Variants in ATP2A2 observed in about 807,000 individuals in gnomAD.
ATP2A2 encodes ATPase sarcoplasmic/endoplasmic reticulum Ca2+ transporting 2.
A neutral mutation model predicts 109.3 loss-of-function variants in ATP2A2; 14 were observed. That is an observed-to-expected ratio of 0.13 (90% CI 0.08 to 0.20). The LOEUF (loss-of-function observed/expected upper bound fraction) is 0.20, where lower values mean the gene tolerates loss of function less well. ATP2A2 is among the 10% of genes least tolerant of loss of function. The pLI is 1.00. For synonymous variants in ATP2A2, 506 were observed against 490.9 expected (o/e 1.03, Z -0.41); for missense variants, 657 against 1,321.6 (o/e 0.50, Z 7.80).
Position 110,320,897 on chromosome 12 carries a change from G to A in ATP2A2, c.464-2095G>A, listed in dbSNP as rs1877172497. Among the ~76,000 whole-genome samples, 2 of 152,156 alleles carry A rather than the reference G, an allele frequency of 1.3e-5. 1 individual carries two copies. The highest frequency in any genetic ancestry group is 4.1e-4 in the South Asian group (2 of 4,824). ...CATATTCTCCCTGAACTTAAGCTCC[G>A]AAGTAGAGAAAAATCAGAACTAATT... On this transcript the variant is annotated intron_variant, in intron 5 of 19. Transcript: ENST00000539276.
chr12:110,310,510 G>T (rs561214910), intron 5 of ATP2A2, among the ~76,000 whole-genome samples: 3 of 152,180 alleles, frequency 2.0e-5, no homozygotes, highest in Non-Finnish European at 4.4e-5. Flanking sequence ...TGTTTTCAGG[G>T]TTGTTTAAAA....
chr12:110,332,930 G>A (rs189574728), intron 9 of ATP2A2, among the ~76,000 whole-genome samples: 1 of 152,290 alleles, frequency 6.6e-6, no homozygotes, highest in East Asian at 1.9e-4. Flanking sequence ...GTTATTCACT[G>A]TAGCCAGTGG....
In ATP2A2 at chr12:110,347,845, C is replaced by G; in HGVS notation, c.*1375C>G. 6.9e-6 allele frequency: 7 copies of G among 1,018,954 alleles called. No individual in the cohort carries two copies. The highest frequency in any genetic ancestry group is 7.1e-6 in the Non-Finnish European group (6 of 850,146). 63.1% of individuals were successfully genotyped at this position (1,018,954 alleles called of 1,614,324 possible). A position where few individuals can be genotyped will look rare whatever the true frequency, so the allele number is the denominator to read the frequency against. On this transcript the variant is annotated 3_prime_UTR_variant, in exon 20 of 20. Coordinates refer to ENST00000539276, the MANE Select transcript of ATP2A2 (RefSeq NM_170665.4). ...GCTTTAGCCTAAAGGTGACTGCCAC[C>G]AAGTGAGATAACTGTATGTCACTAA...
chr12:110,348,045 G>A lies in ATP2A2; in HGVS notation c.*1575G>A, dbSNP rs1005203998. Reference sequence around the variant, plus strand: ...AAGATGACCAGGAGGGCCCAAGCCAGACAAAAGCCGGAGTGGGGAGAGAGG... The same window carrying A: ...AAGATGACCAGGAGGGCCCAAGCCAAACAAAAGCCGGAGTGGGGAGAGAGG... On this transcript the variant is annotated 3_prime_UTR_variant, in exon 20 of 20. Coordinates refer to ENST00000539276, the MANE Select transcript of ATP2A2 (RefSeq NM_170665.4). 2 of 986,428 alleles carry A rather than the reference G, an allele frequency of 2.0e-6. No individual in the cohort carries two copies. The highest frequency in any genetic ancestry group is 1.7e-5 in the African/African-American group (1 of 57,246). 61.1% of individuals were successfully genotyped at this position (986,428 alleles called of 1,614,324 possible). A position where few individuals can be genotyped will look rare whatever the true frequency, so the allele number is the denominator to read the frequency against.
rs1283045241 is a variant in ATP2A2 at position 110,334,123 on chromosome 12, C to T, written c.1399C>T (p.Arg467Cys). 4 of 1,613,970 alleles carry T rather than the reference C, an allele frequency of 2.5e-6. No individual in the cohort carries two copies. The highest frequency in any genetic ancestry group is 2.5e-6 in the Non-Finnish European group (3 of 1,180,026). ...ATTGAAGGGTCTTTCTAAAATAGAACGTGCAAATGCCTGCAACTCAGTGAG... is the reference window on the plus strand; with the variant it reads ...ATTGAAGGGTCTTTCTAAAATAGAATGTGCAAATGCCTGCAACTCAGTGAG... ...TELKGLSKIERANACNSVIKQ... is the reference protein window; with the variant it reads ...TELKGLSKIECANACNSVIKQ... The change falls in exon 11 of 20, where the codon CGT becomes TGT. Residue 467 changes from arginine to cysteine, a missense_variant. Around this residue, in one of 9 missense-constraint regions of ATP2A2, gnomAD observed 180 missense variants for 329.1 expected, o/e 0.55. Coordinates refer to ENST00000539276, the MANE Select transcript of ATP2A2 (RefSeq NM_170665.4).
At chr12:110,287,790 A>G (rs904608287) in intron 3 of ATP2A2, among the ~76,000 whole-genome samples, 3 of 151,336 alleles carry the variant, frequency 2.0e-5, no homozygotes, top group Admixed American at 6.6e-5. Context: ...AATTTTTTGT[A>G]TTTTTAGTAG....
chr12:110,339,749 A>G lies in ATP2A2; in HGVS notation c.1761+28A>G. 1 of 1,601,662 alleles carries G rather than the reference A, an allele frequency of 6.2e-7. No homozygotes were observed. Among genetic ancestry groups the G allele is most frequent in the South Asian group, 1.1e-5 (1 of 90,802 alleles). On this transcript the variant is annotated intron_variant, in intron 13 of 19. Coordinates refer to ENST00000539276, the MANE Select transcript of ATP2A2 (RefSeq NM_170665.4). This position sits in a 1 kb window ranked among gnomAD's most constrained non-coding sequence, Gnocchi z 4.4. ...TAGCTAATGAAAAGTTTCTTTGTCCACACCCTGCACGATTCATTGTGTTTA... is the reference window on the plus strand; with the variant it reads ...TAGCTAATGAAAAGTTTCTTTGTCCGCACCCTGCACGATTCATTGTGTTTA...
chr12:110,340,937 C>T lies in ATP2A2; in HGVS notation c.2040C>T (p.Pro680=), dbSNP rs768193634. 14 of 1,614,222 alleles carry T rather than the reference C, an allele frequency of 8.7e-6. No individual in the cohort carries two copies. Among genetic ancestry groups the T allele is most frequent in the South Asian group, 3.3e-5 (3 of 91,082 alleles). ...LNARCFARVE[P]SHKSKIVEFL... is the part of the protein sequence containing the mutation. Reference sequence around the variant, plus strand: ...CCCGCTGTTTTGCTCGAGTTGAACCCTCCCACAAGTCTAAAATCGTAGAAT... The same window carrying T: ...CCCGCTGTTTTGCTCGAGTTGAACCTTCCCACAAGTCTAAAATCGTAGAAT... Residue 680 remains proline (P), a synonymous_variant, in exon 14 of 20, where the codon CCC becomes CCT. Coordinates refer to ENST00000539276, the MANE Select transcript of ATP2A2 (RefSeq NM_170665.4). This position sits in a 1 kb window ranked among gnomAD's most constrained non-coding sequence, Gnocchi z 6.0.
At chr12:110,290,990 C>G (rs865853918) in intron 3 of ATP2A2, among the ~76,000 whole-genome samples, 1 of 151,826 alleles carries the variant, frequency 6.6e-6, no homozygotes, top group East Asian at 1.9e-4. Context: ...CTCACCGCAA[C>G]CTCTGCCTCC....
Position 110,348,514 on chromosome 12 carries a change from T to TGAG in ATP2A2, c.*2045_*2047dup. On this transcript the variant is annotated 3_prime_UTR_variant, in exon 20 of 20. Coordinates refer to ENST00000539276, the MANE Select transcript of ATP2A2 (RefSeq NM_170665.4). ...GGCATCAAGCAGGACAAGGTGCTGCTGAGTTCAGAGGGCCCACGTTCAAGG... is the reference window on the plus strand; with the variant it reads ...GGCATCAAGCAGGACAAGGTGCTGCTGAGGAGTTCAGAGGGCCCACGTTCAAGG... 9 of 985,560 alleles carry TGAG rather than the reference T, an allele frequency of 9.1e-6. No individual in the cohort carries two copies. Among genetic ancestry groups the TGAG allele is most frequent in the Non-Finnish European group, 1.1e-5 (9 of 830,042 alleles). The allele number at this position is 985,560 out of a possible 1,614,324, so 61.1% of individuals were successfully genotyped here. A position where few individuals can be genotyped will look rare whatever the true frequency, so the allele number is the denominator to read the frequency against.
In ATP2A2 at chr12:110,298,401, T is replaced by C. The variant is rs181493310; in HGVS notation, c.463+1664T>C. ...AAGAAGAGTACAACTCAGAATGAAA[T>C]GTCTTGGCTATTGGATTTTTTAAAA... On this transcript the variant is annotated intron_variant, in intron 5 of 19. Coordinates refer to ENST00000539276, the MANE Select transcript of ATP2A2 (RefSeq NM_170665.4). Among the ~76,000 whole-genome samples the C allele has an allele frequency of 1.2e-3, 186 of 152,302 alleles. 2 individuals are homozygous for C. The highest frequency in any genetic ancestry group is 9.3e-4 in the Non-Finnish European group (63 of 68,034).
Position 110,343,341 on chromosome 12 carries a change from C to A in ATP2A2, c.2428C>A (p.Pro810Thr). Residue 810 changes from proline to threonine, a missense_variant, in exon 16 of 20, where the codon CCT (proline) becomes ACT (threonine). Around this residue, in one of 9 missense-constraint regions of ATP2A2, gnomAD observed 125 missense variants for 243.5 expected, o/e 0.51. Coordinates refer to ENST00000539276, the MANE Select transcript of ATP2A2 (RefSeq NM_170665.4). The part of the protein sequence containing the change: ...GLPATALGFN[P>T]PDLDIMNKPP... ...GCCTGCCACTGCACTGGGGTTCAAC[C>A]CTCCTGATCTGGACATCATGAATAA... 6.2e-7 allele frequency: 1 copy of A among 1,614,226 alleles called. No homozygotes were observed. The highest frequency in any genetic ancestry group is 8.5e-7 in the Non-Finnish European group (1 of 1,180,046).
intron 5 of ATP2A2, among the ~76,000 whole-genome samples, chr12:110,298,891 T>C (rs757355023): frequency 5.9e-5 from 9 of 152,214 alleles, no homozygotes; most frequent in African/African-American, 9.6e-5. Flanking sequence ...TGTTCTCTTA[T>C]ATAACCTCAG....
chr12:110,311,595 C>CAAAAAAAA lies in ATP2A2; in HGVS notation c.464-11377_464-11370dup, dbSNP rs67023919. On this transcript the variant is annotated intron_variant, in intron 5 of 19. Coordinates refer to ENST00000539276, the MANE Select transcript of ATP2A2 (RefSeq NM_170665.4). ...TGGGGGACAGAGCGAGACTCCATCT[C>CAAAAAAAA]AAAAAAAAAAAAAAAAAAAAAAAAA... is the stretch of plus-strand genomic sequence containing the variant. Among the ~76,000 whole-genome samples, 6 of 25,224 alleles carry CAAAAAAAA rather than the reference C, an allele frequency of 2.4e-4. 1 individual carries two copies. The highest frequency in any genetic ancestry group is 6.7e-4 in the Admixed American group (1 of 1,486). The allele number at this position is 25,224 out of a possible 152,430, so 16.5% of individuals were successfully genotyped here.
intron 5 of ATP2A2, among the ~76,000 whole-genome samples, chr12:110,308,571 C>T (rs1023995634): frequency 6.6e-6 from 1 of 152,100 alleles, no homozygotes; most frequent in Non-Finnish European, 1.5e-5. Flanking sequence ...AAAAGCATAC[C>T]GTGACTGTAT....
Position 110,347,457 on chromosome 12 carries a change from G to GCTA in ATP2A2, c.*987_*988insCTA. 7.8e-7 allele frequency: 1 copy of GCTA among 1,289,030 alleles called. No homozygotes were observed. Among genetic ancestry groups the GCTA allele is most frequent in the South Asian group, 1.2e-5 (1 of 81,018 alleles). 79.8% of individuals were successfully genotyped at this position (1,289,030 alleles called of 1,614,324 possible). A position where few individuals can be genotyped will look rare whatever the true frequency, so the allele number is the denominator to read the frequency against. ...AAGAAGGCTCCTGCTCTGCTGTGTA[G>GCTA]GTAGTCATAGGAATTGTATTCTTAA... On this transcript the variant is annotated 3_prime_UTR_variant, in exon 20 of 20. Coordinates refer to ENST00000539276, the MANE Select transcript of ATP2A2 (RefSeq NM_170665.4).
chr12:110,318,728 C>T (rs1876928010), intron 5 of ATP2A2, among the ~76,000 whole-genome samples: 2 of 152,222 alleles, frequency 1.3e-5, no homozygotes, highest in Non-Finnish European at 2.9e-5. Flanking sequence ...CCTGTCTCAG[C>T]TTCCCAAAGT....
chr12:110,299,969 T>C (rs925217146), intron 5 of ATP2A2, among the ~76,000 whole-genome samples: 1 of 151,870 alleles, frequency 6.6e-6, no homozygotes, highest in Non-Finnish European at 1.5e-5. Context: ...TTGGTCAGGC[T>C]GATCTCGAAC....
At chr12:110,301,552 G>A (rs1026584841) in intron 5 of ATP2A2, among the ~76,000 whole-genome samples, 1 of 152,060 alleles carries the variant, frequency 6.6e-6, no homozygotes, top group South Asian at 2.1e-4. Flanking sequence ...CGTTTCCTTG[G>A]TCAGCACACT....
Sources: gnomAD v4.1 joint callset for allele counts (sites outside exome capture counted in the v4.1 genomes callset) on GRCh38, gnomAD v4.1.1 for gene constraint, gnomAD v4.1.1 regional missense constraint, Gnocchi (gnomAD v3.1) non-coding constraint, MANE v1.5 for transcripts, NCBI Gene and HGNC (gene_info 2026-07-23, HGNC 2026-07-21) for gene names.